The following UBL3 variants were observed in gnomAD, a reference collection of about 807,000 sequenced individuals.
UBL3 encodes the protein ubiquitin-like protein 3.
UBL3 carries 6 observed loss-of-function variants against 18.4 expected under a neutral mutation model. The observed-to-expected ratio is 0.33, with a 90% CI of 0.18 to 0.64. The LOEUF (loss-of-function observed/expected upper bound fraction) is 0.64, where lower values mean the gene tolerates loss of function less well. Among genes scored for constraint, UBL3 ranks in the 30% least tolerant of loss-of-function variants. The pLI, the probability that UBL3 is intolerant of heterozygous loss-of-function variation, is 0.76. For synonymous variants in UBL3, 49 were observed against 46.6 expected, an observed-to-expected ratio of 1.05 and a Z score of -0.21; for missense variants, 109 against 142.9, an observed-to-expected ratio of 0.76 and a Z score of 1.21.
intron 1 of UBL3, among the ~76,000 whole-genome samples, chr13:29,778,360 T>A (rs1877054890): frequency 6.6e-6 from 1 of 152,204 alleles, no homozygotes; most frequent in Non-Finnish European, 1.5e-5. Flanking sequence ...ATATTATTTT[T>A]AAAAAACACC....
At chr13:29,814,474 AATTTT>A (rs1199384223) in intron 1 of UBL3, among the ~76,000 whole-genome samples, 2 of 151,988 alleles carry the variant, frequency 1.3e-5, no homozygotes, top group Non-Finnish European at 2.9e-5. Flanking sequence ...AAATAATAAA[AATTTT>A]ATTTGGGATG....
At chr13:29,767,485 G>T in intron 4 of UBL3, 133 bp downstream of exon 4, 1 of 1,187,860 alleles carries the variant, frequency 8.4e-7, no homozygotes, top group Non-Finnish European at 1.2e-6. Context: ...AAAATGTCTG[G>T]TTATTTGCTT....
In UBL3 at chr13:29,767,641, G is replaced by A; in HGVS notation, c.278C>T (p.Thr93Ile). 4 of 1,613,006 alleles carry A rather than the reference G, an allele frequency of 2.5e-6. No individual in the cohort carries two copies. The South Asian group carries it at 4.4e-5, about 18-fold the overall frequency. The change falls in exon 4 of 5, where the codon ACA becomes ATA. Residue 93 changes from threonine to isoleucine, a missense_variant. By Grantham distance (89) the Thr-to-Ile change is moderately conservative. Transcript: ENST00000380680. ...TTVMHLVARE[T>I]LPEPNSQGQR... is the part of the protein sequence containing the mutation. The stretch of plus-strand genomic sequence containing the variant: ...ACCTTGAGAGTTTGGCTCTGGTAAT[G>A]TCTCTCTGGCCACCAAATGCATCAC...
intron 1 of UBL3, among the ~76,000 whole-genome samples, chr13:29,793,884 G>A (rs894329571): frequency 6.6e-5 from 10 of 151,822 alleles, no homozygotes; most frequent in Admixed American, 1.3e-4. Context: ...TTGCTTTGTC[G>A]CCCAGGCTAG....
chr13:29,834,580 A>G (rs1878870832), intron 1 of UBL3, among the ~76,000 whole-genome samples: 1 of 152,166 alleles, frequency 6.6e-6, no homozygotes, highest in Non-Finnish European at 1.5e-5. Flanking sequence ...TTATTTTCTG[A>G]CATTTTGGCT....
chr13:29,825,559 T>C (rs1400099431), intron 1 of UBL3, among the ~76,000 whole-genome samples: 1 of 152,248 alleles, frequency 6.6e-6, no homozygotes, highest in Non-Finnish European at 1.5e-5. Context: ...TTTTGTAACC[T>C]GAGACTTTGC....
intron 1 of UBL3, among the ~76,000 whole-genome samples, chr13:29,820,360 G>A (rs949432851): frequency 6.6e-5 from 10 of 151,974 alleles, no homozygotes; most frequent in African/African-American, 2.4e-4. Flanking sequence ...CATTTTTGTA[G>A]AGATGGGGTT....
chr13:29,766,208 G>A lies in UBL3; in HGVS notation c.*1047C>T, dbSNP rs981545064. On this transcript the variant is annotated 3_prime_UTR_variant, in exon 5 of 5. Coordinates refer to ENST00000380680, the MANE Select transcript of UBL3 (RefSeq NM_007106.4). Reference sequence around the variant, plus strand: ...ATAAAAGAAAAAGTGGCATTCTTGTGTATGCCATAAAAATCAGCTTTTGAC... The same window carrying A: ...ATAAAAGAAAAAGTGGCATTCTTGTATATGCCATAAAAATCAGCTTTTGAC... 1 of 152,462 alleles carries A rather than the reference G, an allele frequency of 6.6e-6. No individual in the cohort carries two copies. 9.4% of individuals were successfully genotyped at this position (152,462 alleles called of 1,614,324 possible). A position where few individuals can be genotyped will look rare whatever the true frequency, so the allele number is the denominator to read the frequency against.
chr13:29,773,243 C>T (rs1479825288), intron 2 of UBL3, among the ~76,000 whole-genome samples: 1 of 152,148 alleles, frequency 6.6e-6, no homozygotes, highest in Non-Finnish European at 1.5e-5. Context: ...GATAAAACCA[C>T]TGCCTATAGG....
intron 1 of UBL3, among the ~76,000 whole-genome samples, chr13:29,840,495 AC>A (rs1159156358): frequency 2.6e-5 from 4 of 152,176 alleles, no homozygotes; most frequent in Non-Finnish European, 5.9e-5. Flanking sequence ...TAACCTTGAT[AC>A]CTAAATCTGT....
intron 1 of UBL3, among the ~76,000 whole-genome samples, chr13:29,798,754 C>T (rs1877681105): frequency 6.6e-6 from 1 of 152,018 alleles, no homozygotes; most frequent in Non-Finnish European, 1.5e-5. Context: ...CTTAAATGAG[C>T]AAAATTAAGA....
In UBL3 at chr13:29,765,632, T is replaced by C. The variant is rs1209282142; in HGVS notation, c.*1623A>G. On this transcript the variant is annotated 3_prime_UTR_variant, in exon 5 of 5. Transcript: ENST00000380680. Reference sequence around the variant, plus strand: ...AAAATGCACTATCATTTTTTTTTTATTTAGTTTACAGGAAGAATCTGTAAG... The same window carrying C: ...AAAATGCACTATCATTTTTTTTTTACTTAGTTTACAGGAAGAATCTGTAAG... 6.6e-6 allele frequency: 1 copy of C among 152,628 alleles called. No individual in the cohort carries two copies. Among genetic ancestry groups the C allele is most frequent in the Admixed American group, 6.5e-5 (1 of 15,278 alleles). 9.5% of individuals were successfully genotyped at this position (152,628 alleles called of 1,614,324 possible). A position where few individuals can be genotyped will look rare whatever the true frequency, so the allele number is the denominator to read the frequency against.
intron 1 of UBL3, among the ~76,000 whole-genome samples, chr13:29,802,432 T>C (rs1020514946): frequency 6.6e-6 from 1 of 152,210 alleles, no homozygotes; most frequent in Non-Finnish European, 1.5e-5. Flanking sequence ...TTCTTCCAAA[T>C]GACCACGCTA....
rs138412559 is a variant in UBL3 at position 29,774,852 on chromosome 13, A to G, written c.136+2303T>C. On this transcript the variant is annotated intron_variant, in intron 2 of 4. Transcript: ENST00000380680. ...TCTAGATGATTTAAATAGTGACTTT[A>G]TAACCCAAGTGCAGCCTTGGGGTTT... Among the ~76,000 whole-genome samples, 1,051 of 152,218 alleles carry G rather than the reference A, an allele frequency of 6.9e-3. 14 individuals carry two copies. Among genetic ancestry groups the G allele is most frequent in the African/African-American group, 0.024 (995 of 41,526 alleles).
intron 1 of UBL3, among the ~76,000 whole-genome samples, chr13:29,836,121 A>T (rs1878956018): frequency 6.6e-6 from 1 of 152,184 alleles, no homozygotes; most frequent in Non-Finnish European, 1.5e-5. Flanking sequence ...TGGTAGCATG[A>T]TGAAGAGAAG....
intron 2 of UBL3, among the ~76,000 whole-genome samples, chr13:29,773,420 C>G (rs1876898635): frequency 6.6e-6 from 1 of 152,078 alleles, no homozygotes; most frequent in Admixed American, 6.6e-5. Flanking sequence ...TCAAATAAGT[C>G]TCTAACACTA....
At chr13:29,838,558 GA>G (rs1879017456) in intron 1 of UBL3, among the ~76,000 whole-genome samples, 1 of 152,206 alleles carries the variant, frequency 6.6e-6, no homozygotes, top group African/African-American at 2.4e-5. Context: ...CCATTACCCT[GA>G]AGTGGCAAAG....
chr13:29,769,062 CAT>C (rs1329742475), intron 3 of UBL3, among the ~76,000 whole-genome samples: 1 of 152,050 alleles, frequency 6.6e-6, no homozygotes. Flanking sequence ...ATACTAATTC[CAT>C]TACCTGCCCT....
chr13:29,826,579 C>A (rs1878625155), intron 1 of UBL3, among the ~76,000 whole-genome samples: 1 of 151,792 alleles, frequency 6.6e-6, no homozygotes, highest in Non-Finnish European at 1.5e-5. Flanking sequence ...CTATTTGATT[C>A]TTCTTTATTA....
Sources: gnomAD v4.1 joint callset for allele counts (sites outside exome capture counted in the v4.1 genomes callset) on GRCh38, gnomAD v4.1.1 for gene constraint, MANE v1.5 for transcripts, NCBI Gene and HGNC (gene_info 2026-07-23, HGNC 2026-07-21) for gene names.